Variants in MIPEP observed in about 807,000 individuals in gnomAD.
MIPEP encodes mitochondrial intermediate peptidase.
MIPEP carries 79 observed loss-of-function variants against 90.3 expected under a neutral mutation model. That is an observed-to-expected ratio of 0.87 (90% confidence interval 0.73 to 1.05). The LOEUF is 1.05. MIPEP is among the 50% of genes least tolerant of loss of function. The pLI, the probability that MIPEP is intolerant of heterozygous loss-of-function variation, is 0.00. For missense variants in MIPEP, 940 were observed against 905.6 expected (o/e 1.04, Z -0.49); for synonymous variants, 334 against 315.8 (o/e 1.06, Z -0.61).
chr13:23,734,449 A>G (rs1471973383), intron 18 of MIPEP, among the ~76,000 whole-genome samples: 2 of 152,220 alleles, frequency 1.3e-5, no homozygotes, highest in Non-Finnish European at 2.9e-5. Flanking sequence ...AGTCAAGGAA[A>G]CTTATTTTAA....
At chr13:23,874,232 A>G (rs1191565313) in intron 5 of MIPEP, among the ~76,000 whole-genome samples, 1 of 152,216 alleles carries the variant, frequency 6.6e-6, no homozygotes, top group Non-Finnish European at 1.5e-5. Context: ...TCCAACTCTG[A>G]ATTTACAACT....
chr13:23,839,811 TCCATAG>T (rs1480648586), intron 11 of MIPEP, 85 bp from the exon 12 acceptor site: 2 of 875,518 alleles, frequency 2.3e-6, no homozygotes, highest in Non-Finnish European at 3.6e-6. Context: ...ATATTAAACA[TCCATAG>T]CCACACATAT....
At chr13:23,859,057 C>T (rs895012512) in intron 9 of MIPEP, 145 bp from the exon 10 acceptor site, 7 of 709,084 alleles carry the variant, frequency 9.9e-6, no homozygotes, top group African/African-American at 7.2e-5. Context: ...AAATTGATAG[C>T]TTGGCAGAAA....
Position 23,780,116 on chromosome 13 carries a change from C to T in MIPEP, c.1849-19899G>A, listed in dbSNP as rs189511302. The stretch of plus-strand genomic sequence containing the variant: ...GCTTTGAAGAGAGTAGTGGTTCTCC[C>T]AGCATGGAGTTTGAGATCTGAGAAC... On this transcript the variant is annotated intron_variant, in intron 16 of 18. Coordinates refer to ENST00000382172, the MANE Select transcript of MIPEP (RefSeq NM_005932.4). 9.2e-4 allele frequency among the ~76,000 whole-genome samples: 140 copies of T among 152,358 alleles called. 1 individual carries two copies. The East Asian group carries it at 0.024, about 26-fold the overall frequency.
At chr13:23,841,969 T>G (rs778988854) in intron 10 of MIPEP, among the ~76,000 whole-genome samples, 1 of 152,168 alleles carries the variant, frequency 6.6e-6, no homozygotes, top group Non-Finnish European at 1.5e-5. Context: ...TATTCATTTA[T>G]GAAAAAAATG....
At chr13:23,838,325 T>C (rs1052067944) in intron 12 of MIPEP, among the ~76,000 whole-genome samples, 1 of 152,126 alleles carries the variant, frequency 6.6e-6, no homozygotes, top group African/African-American at 2.4e-5. Context: ...TTAGATTTTT[T>C]TTTGTACAGA....
intron 16 of MIPEP, among the ~76,000 whole-genome samples, chr13:23,794,152 A>G (rs1952931074): frequency 6.6e-6 from 1 of 152,094 alleles, no homozygotes; most frequent in South Asian, 2.1e-4. Flanking sequence ...GGAGGAAGTG[A>G]CTGAGAACTG....
chr13:23,749,057 C>T (rs530870508), intron 18 of MIPEP, among the ~76,000 whole-genome samples: 1 of 152,328 alleles, frequency 6.6e-6, no homozygotes, highest in African/African-American at 2.4e-5. Context: ...TACATAAATG[C>T]TAACTGCATG....
chr13:23,889,040 C>T, intron 1 of MIPEP, 92 bp downstream of exon 1: 1 of 1,203,110 alleles, frequency 8.3e-7, no homozygotes, highest in Non-Finnish European at 1.1e-6. Flanking sequence ...TCCTCCCAGG[C>T]CCAAACAATC....
chr13:23,874,344 A>G (rs1870963749), intron 5 of MIPEP, among the ~76,000 whole-genome samples: 1 of 151,780 alleles, frequency 6.6e-6, no homozygotes, highest in African/African-American at 2.4e-5. Context: ...TAGGATGGCA[A>G]CTTGAACAAA....
chr13:23,846,018 G>A (rs1286493095), intron 10 of MIPEP, among the ~76,000 whole-genome samples: 1 of 151,512 alleles, frequency 6.6e-6, no homozygotes, highest in Non-Finnish European at 1.5e-5. Context: ...GGGTTCAAGC[G>A]ATTCTCCTGC....
At chr13:23,748,890 T>G (rs1952410439) in intron 18 of MIPEP, among the ~76,000 whole-genome samples, 1 of 152,058 alleles carries the variant, frequency 6.6e-6, no homozygotes, top group African/African-American at 2.4e-5. Context: ...GGCTTATCTT[T>G]CCCTTGAAAT....
intron 7 of MIPEP, among the ~76,000 whole-genome samples, chr13:23,867,946 T>C (rs1353768869): frequency 6.8e-6 from 1 of 146,956 alleles, no homozygotes; most frequent in Non-Finnish European, 1.5e-5. Context: ...TATATAAATA[T>C]AAAATAAAAA....
chr13:23,833,962 G>A (rs979712131), intron 14 of MIPEP, among the ~76,000 whole-genome samples: 7 of 152,018 alleles, frequency 4.6e-5, no homozygotes, highest in African/African-American at 1.4e-4. Context: ...ACTAAGTGGC[G>A]CCTCCCTTGG....
At chr13:23,870,986 C>T (rs187295249) in intron 5 of MIPEP, among the ~76,000 whole-genome samples, 38 of 152,262 alleles carry the variant, frequency 2.5e-4, no homozygotes, top group Admixed American at 1.9e-3. Context: ...CAGTGAGCTA[C>T]GATCACACCA....
chr13:23,802,446 T>C (rs912728208), intron 16 of MIPEP, among the ~76,000 whole-genome samples: 2 of 151,980 alleles, frequency 1.3e-5, no homozygotes, highest in African/African-American at 4.8e-5. Flanking sequence ...CAGGTGCCTG[T>C]AATCCCAGCT....
At chr13:23,821,075 C>G (rs528294845) in intron 14 of MIPEP, among the ~76,000 whole-genome samples, 2 of 152,318 alleles carry the variant, frequency 1.3e-5, no homozygotes, top group South Asian at 4.1e-4. Context: ...GAGATTCCCA[C>G]TCTGTTATTT....
In MIPEP at chr13:23,841,406, G is replaced by A; in HGVS notation, c.1189C>T (p.Leu397=). The A allele has an allele frequency of 6.2e-7, 1 of 1,614,106 alleles. No homozygotes were observed. Among genetic ancestry groups the A allele is most frequent in the Non-Finnish European group, 8.5e-7 (1 of 1,180,016 alleles). ...TCTGCATATAATGAAATCCCCAACA[G>A]TCTGTTAAGCAAAATATTCAGGCCT... ...MEGLNILLNR[L]LGISLYAEQP... The change falls in exon 11 of 19, where the codon CTG becomes TTG. Residue 397 remains leucine (L), a synonymous_variant. Transcript: ENST00000382172.
chr13:23,864,116 A>C (rs1870426518), intron 8 of MIPEP, 25 bp downstream of exon 8: 1 of 1,349,324 alleles, frequency 7.4e-7, no homozygotes, highest in Admixed American at 2.3e-5. Context: ...TAACCAAAAA[A>C]CTAAATAGTA....
Sources: allele counts gnomAD v4.1 joint callset (sites outside exome capture counted in the v4.1 genomes callset), GRCh38; gene constraint gnomAD v4.1.1; transcripts MANE v1.5; gene names NCBI Gene and HGNC (gene_info 2026-07-23, HGNC 2026-07-21).